Variants in PDE8B observed in about 807,000 individuals in gnomAD.
PDE8B encodes the protein phosphodiesterase 8B.
Under a neutral mutation model 101.3 loss-of-function variants are expected in PDE8B, and 26 were observed. The ratio of observed to expected loss-of-function variants is 0.26; its 90% CI spans 0.19 to 0.36. The LOEUF is 0.36. PDE8B is among the 10% of genes least tolerant of loss of function. PDE8B has a pLI of 1.00. For missense variants in PDE8B, 810 were observed against 1,163.1 expected (o/e 0.70, Z 4.42); for synonymous variants, 424 against 429.3 (o/e 0.99, Z 0.15).
chr5:77,211,365 GTT>G lies in PDE8B; in HGVS notation c.339+102_339+103del. 8.5e-7 allele frequency: 1 copy of G among 1,176,766 alleles called. No individual in the cohort carries two copies. Among genetic ancestry groups the G allele is most frequent in the Non-Finnish European group, 1.2e-6 (1 of 852,216 alleles). The allele number at this position is 1,176,766 out of a possible 1,614,324, so 72.9% of individuals were successfully genotyped here. ...GGCGGAGTTGGGTGACCGTGAGGCGGTTGGTTTGGAGAGGTTGTCACTAAGGA... is the reference window on the plus strand; with the variant it reads ...GGCGGAGTTGGGTGACCGTGAGGCGGGGTTTGGAGAGGTTGTCACTAAGGA... On this transcript the variant is annotated intron_variant, in intron 1 of 21. Transcript: ENST00000264917. The surrounding 1 kb of genome is among the most constrained non-coding windows in gnomAD (Gnocchi z 4.1).
At chr5:77,169,591 C>G in the PDE8B span, among the ~76,000 whole-genome samples, 1 of 152,074 alleles carries the variant, frequency 6.6e-6, no homozygotes, top group Non-Finnish European at 1.5e-5. Context: ...TGCAAATACC[C>G]GAGTTGAAAA....
chr5:77,353,466 C>A, intron 10 of PDE8B, 60 bp downstream of exon 10: 1 of 908,834 alleles, frequency 1.1e-6, no homozygotes, highest in Non-Finnish European at 1.9e-6. Context: ...CCTCTGTTCT[C>A]TGCTTATCTC....
At chr5:77,407,593 A>G in intron 13 of PDE8B, 136 bp downstream of exon 13, 1 of 712,348 alleles carries the variant, frequency 1.4e-6, no homozygotes, top group Admixed American at 2.0e-5. Flanking sequence ...ACACATAGCA[A>G]ATAAACACCT....
At chr5:77,099,758 C>T in the PDE8B span, among the ~76,000 whole-genome samples, 3 of 152,034 alleles carry the variant, frequency 2.0e-5, no homozygotes, top group African/African-American at 4.8e-5. Flanking sequence ...TATAGGTGCA[C>T]GTCACCACAC....
intron 4 of PDE8B, among the ~76,000 whole-genome samples, chr5:77,331,070 T>A: frequency 6.6e-6 from 1 of 152,184 alleles, no homozygotes; most frequent in East Asian, 1.9e-4. Context: ...GAATGAACAG[T>A]GCACGTAACA....
chr5:77,397,055 CAG>C (rs1791230411), intron 10 of PDE8B, among the ~76,000 whole-genome samples: 1 of 57,642 alleles, frequency 1.7e-5, no homozygotes, highest in South Asian at 4.9e-4. Flanking sequence ...TTTTTTGAGG[CAG>C]AGTGTCACTG....
chr5:77,416,291 A>C (rs1208385610), intron 17 of PDE8B, among the ~76,000 whole-genome samples: 2 of 152,200 alleles, frequency 1.3e-5, no homozygotes, highest in African/African-American at 4.8e-5. Context: ...GAAGAATTAA[A>C]AAATAAACAG....
At chr5:77,424,819 G>GTTTTTTT (rs912849753) in intron 20 of PDE8B, among the ~76,000 whole-genome samples, 10 of 110,046 alleles carry the variant, frequency 9.1e-5, no homozygotes, top group Non-Finnish European at 1.5e-4. Context: ...CTGTTTTTTT[G>GTTTTTTT]TTTTTTGTTT....
chr5:77,362,559 C>G (rs2150568320), intron 10 of PDE8B, among the ~76,000 whole-genome samples: 1 of 152,336 alleles, frequency 6.6e-6, no homozygotes, highest in Admixed American at 6.5e-5. Context: ...GGTGGTTAAA[C>G]TCTTAGCAGC....
the PDE8B span, among the ~76,000 whole-genome samples, chr5:77,143,288 GT>G: frequency 6.6e-6 from 1 of 152,152 alleles, no homozygotes; most frequent in Non-Finnish European, 1.5e-5. Context: ...ACTGGCTCTT[GT>G]TTGCTAGGCT....
At position 77,210,845 on chromosome 5, in the gene PDE8B, C is replaced by A. The variant is rs1748116122; in HGVS notation, c.-81C>A. On this transcript the variant is annotated 5_prime_UTR_variant, in exon 1 of 22. Transcript: ENST00000264917. The surrounding 1 kb of genome is among the most constrained non-coding windows in gnomAD (Gnocchi z 4.9). ...AGTCCGGGCGCCGCCGCGGCCGCCCCCTCACTGCAGGTGGCAGCGGGTGCG... is the reference window on the plus strand; with the variant it reads ...AGTCCGGGCGCCGCCGCGGCCGCCCACTCACTGCAGGTGGCAGCGGGTGCG... 2 of 1,070,308 alleles carry A rather than the reference C, an allele frequency of 1.9e-6. No individual in the cohort carries two copies. Among genetic ancestry groups the A allele is most frequent in the African/African-American group, 3.4e-5 (2 of 58,674 alleles). 66.3% of individuals were successfully genotyped at this position (1,070,308 alleles called of 1,614,324 possible).
intron 1 of PDE8B, among the ~76,000 whole-genome samples, chr5:77,297,907 G>A (rs1321486709): frequency 1.3e-5 from 2 of 152,168 alleles, no homozygotes; most frequent in African/African-American, 4.8e-5. Flanking sequence ...TGAATCCCCA[G>A]ATTGAGCTAA....
At chr5:77,109,213 C>T in the PDE8B span, among the ~76,000 whole-genome samples, 2 of 152,200 alleles carry the variant, frequency 1.3e-5, no homozygotes, top group Admixed American at 6.5e-5. Context: ...TCTGCTTTCT[C>T]CCCCTTGGGG....
At chr5:77,140,174 C>G in the PDE8B span, 1 of 152,190 alleles carries the variant, frequency 6.6e-6, no homozygotes, top group Non-Finnish European at 1.5e-5. Flanking sequence ...ATTCAGAGCT[C>G]ACTTCAATGC....
intron 2 of PDE8B, 128 bp downstream of exon 2, chr5:77,312,181 G>A (rs6875032): frequency 5.8e-6 from 4 of 689,712 alleles, no homozygotes; most frequent in Non-Finnish European, 1.0e-5. Flanking sequence ...TCGGCTCACT[G>A]CAACCTCTGC....
the PDE8B span, among the ~76,000 whole-genome samples, chr5:77,194,302 C>T: frequency 2.0e-5 from 3 of 152,114 alleles, no homozygotes; most frequent in Non-Finnish European, 4.4e-5. Flanking sequence ...TCTTGACTTA[C>T]TTATTGAGAA....
At chr5:77,315,866 C>A (rs569197493) in intron 2 of PDE8B, among the ~76,000 whole-genome samples, 2 of 152,222 alleles carry the variant, frequency 1.3e-5, no homozygotes, top group South Asian at 2.1e-4. Context: ...AGGCCAGCTG[C>A]CTTTCTTTAA....
chr5:77,152,922 G>A, the PDE8B span, among the ~76,000 whole-genome samples: 2 of 152,124 alleles, frequency 1.3e-5, no homozygotes, highest in Non-Finnish European at 2.9e-5. Context: ...GCCTTTCCCA[G>A]TGCCTACACG....
intron 10 of PDE8B, among the ~76,000 whole-genome samples, chr5:77,367,452 A>G (rs1784346093): frequency 6.6e-6 from 1 of 151,528 alleles, no homozygotes; most frequent in Non-Finnish European, 1.5e-5. Context: ...CTTTCCAGCT[A>G]GTCTTCCTGG....
Sources: gnomAD v4.1 joint callset for allele counts (sites outside exome capture counted in the v4.1 genomes callset) on GRCh38, gnomAD v4.1.1 for gene constraint, Gnocchi (gnomAD v3.1) non-coding constraint, MANE v1.5 for transcripts, NCBI Gene and HGNC (gene_info 2026-07-23, HGNC 2026-07-21) for gene names.